The following LTBP1 variants were observed in gnomAD, a reference collection of about 807,000 sequenced individuals.
The protein encoded by LTBP1 is latent-transforming growth factor beta-binding protein 1.
Under a neutral mutation model 207.6 loss-of-function variants are expected in LTBP1, and 129 were observed. That is an observed-to-expected ratio of 0.62 (90% CI 0.54 to 0.72). LTBP1 has a LOEUF of 0.72. Ranked by LOEUF, LTBP1 falls within the 30% of genes least tolerant of loss-of-function variation. LTBP1 has a pLI of 0.00. For missense variants in LTBP1, 2,281 were observed against 2,217.2 expected (o/e 1.03, Z -0.58); for synonymous variants, 963 against 833.7 (o/e 1.16, Z -2.67).
At chr2:33,353,501 G>A (rs1451317744) in intron 26 of LTBP1, among the ~76,000 whole-genome samples, 1 of 152,166 alleles carries the variant, frequency 6.6e-6, no homozygotes, top group East Asian at 1.9e-4. Flanking sequence ...ATGGATGGTA[G>A]ACACTCGGTA....
At chr2:33,122,225 A>G (rs186051294) in intron 4 of LTBP1, among the ~76,000 whole-genome samples, 20 of 152,300 alleles carry the variant, frequency 1.3e-4, no homozygotes, top group Admixed American at 5.2e-4. Flanking sequence ...ACCATGAAAA[A>G]GGCAATGCCT....
intron 2 of LTBP1, among the ~76,000 whole-genome samples, chr2:32,960,049 A>T (rs1307406591): frequency 6.6e-6 from 1 of 152,196 alleles, no homozygotes; most frequent in East Asian, 1.9e-4. Flanking sequence ...AGCTATTTAA[A>T]TGAGCCGAGA....
At chr2:33,039,911 G>T (rs2076102192) in intron 3 of LTBP1, among the ~76,000 whole-genome samples, 2 of 152,084 alleles carry the variant, frequency 1.3e-5, no homozygotes, top group South Asian at 4.1e-4. Flanking sequence ...GCTTGGTTTT[G>T]TGTGTGATTT....
At position 33,208,953 on chromosome 2, in the gene LTBP1, C is replaced by T. The variant is rs185862094; in HGVS notation, c.1702-8599C>T. ...CGCGATCTCGGCTGACTGCAAGCTC[C>T]GCCTCCCAGGTTCAAGCAATTCTCC... is the stretch of plus-strand genomic sequence containing the variant. On this transcript the variant is annotated intron_variant, in intron 7 of 33. Coordinates refer to ENST00000404816, the MANE Select transcript of LTBP1 (RefSeq NM_206943.4). Among the ~76,000 whole-genome samples the T allele has an allele frequency of 4.1e-3, 611 of 150,156 alleles. 3 individuals carry two copies. The highest frequency in any genetic ancestry group is 0.014 in the African/African-American group (581 of 40,900).
At chr2:33,361,291 AT>A in intron 27 of LTBP1, 137 bp from the exon 28 acceptor site, 1 of 542,564 alleles carries the variant, frequency 1.8e-6, no homozygotes, top group Non-Finnish European at 3.3e-6. Flanking sequence ...TTAATCCATC[AT>A]TTTTTGAGAT....
intron 5 of LTBP1, among the ~76,000 whole-genome samples, chr2:33,149,706 C>T (rs905305202): frequency 1.3e-5 from 2 of 152,178 alleles, no homozygotes; most frequent in African/African-American, 4.8e-5. Flanking sequence ...CAAGAAATGA[C>T]AAATGGGAAA....
intron 31 of LTBP1, among the ~76,000 whole-genome samples, chr2:33,367,697 G>A (rs1001611459): frequency 9.9e-5 from 15 of 152,064 alleles, no homozygotes; most frequent in African/African-American, 3.4e-4. Context: ...TCTTGGTTAC[G>A]GCTTAGTGGT....
intron 6 of LTBP1, 115 bp from the exon 7 acceptor site, chr2:33,188,459 ATGC>A: frequency 3.2e-5 from 19 of 592,050 alleles, no homozygotes; most frequent in South Asian, 7.0e-5. Flanking sequence ...TTTGATGGCT[ATGC>A]AGCAAAATGC....
At chr2:33,023,787 T>G (rs969777111) in intron 3 of LTBP1, among the ~76,000 whole-genome samples, 1 of 152,256 alleles carries the variant, frequency 6.6e-6, no homozygotes, top group Non-Finnish European at 1.5e-5. Context: ...ATTAGCCCTT[T>G]GATTAATTTA....
chr2:33,146,864 G>C (rs933037519), intron 5 of LTBP1, among the ~76,000 whole-genome samples: 5 of 152,206 alleles, frequency 3.3e-5, no homozygotes, highest in Admixed American at 6.5e-5. Context: ...TCCTGGGCCC[G>C]GGGATTACAC....
chr2:32,952,910 C>G (rs1239248226), intron 2 of LTBP1, among the ~76,000 whole-genome samples: 1 of 152,196 alleles, frequency 6.6e-6, no homozygotes. Flanking sequence ...CATTGCAGGC[C>G]TTCCATACAC....
At chr2:33,055,860 T>A (rs2076969784) in intron 3 of LTBP1, among the ~76,000 whole-genome samples, 1 of 152,140 alleles carries the variant, frequency 6.6e-6, no homozygotes, top group Non-Finnish European at 1.5e-5. Flanking sequence ...GTTTTTGTGG[T>A]CCTTTGGAGA....
intron 32 of LTBP1, among the ~76,000 whole-genome samples, chr2:33,396,724 CCTT>C (rs1476481545): frequency 6.6e-6 from 1 of 152,158 alleles, no homozygotes; most frequent in South Asian, 2.1e-4. Context: ...CTCTTACGGA[CCTT>C]CTTAGCAAAT....
At chr2:33,010,920 A>G (rs533359316) in intron 2 of LTBP1, among the ~76,000 whole-genome samples, 4 of 152,082 alleles carry the variant, frequency 2.6e-5, no homozygotes, top group South Asian at 2.1e-4. Context: ...GGGTTTCACC[A>G]TGTTGGCCAG....
intron 21 of LTBP1, 48 bp downstream of exon 21, chr2:33,300,621 T>C (rs2093971587): frequency 6.3e-7 from 1 of 1,578,662 alleles, no homozygotes. Context: ...TTAAAGCACC[T>C]GGTCTGAAAA....
At chr2:33,357,659 C>G (rs1162112754) in intron 26 of LTBP1, among the ~76,000 whole-genome samples, 1 of 152,108 alleles carries the variant, frequency 6.6e-6, no homozygotes, top group African/African-American at 2.4e-5. Context: ...TGTTACCGGC[C>G]ACACCTCTAG....
intron 3 of LTBP1, among the ~76,000 whole-genome samples, chr2:33,097,244 A>G (rs1253178847): frequency 2.0e-5 from 3 of 152,212 alleles, no homozygotes; most frequent in African/African-American, 7.2e-5. Context: ...ATATTACCCT[A>G]TATATGCATC....
intron 2 of LTBP1, among the ~76,000 whole-genome samples, chr2:32,949,600 T>G (rs575949950): frequency 6.6e-6 from 1 of 152,240 alleles, no homozygotes; most frequent in Non-Finnish European, 1.5e-5. Context: ...ATTGTGAAAT[T>G]AAAGATCAGA....
intron 2 of LTBP1, among the ~76,000 whole-genome samples, chr2:32,962,809 T>A (rs1273253484): frequency 1.3e-5 from 2 of 152,232 alleles, no homozygotes; most frequent in Non-Finnish European, 2.9e-5. Context: ...GGGCGTCAGC[T>A]CCGCCTGGGA....
Sources: allele counts gnomAD v4.1 joint callset (sites outside exome capture counted in the v4.1 genomes callset), GRCh38; gene constraint gnomAD v4.1.1; transcripts MANE v1.5; gene names NCBI Gene and HGNC (gene_info 2026-07-23, HGNC 2026-07-21).